CNTNAP2: variants seen among roughly 807,000 people sequenced by gnomAD.
The protein encoded by CNTNAP2 is contactin associated protein 2.
A neutral mutation model predicts 155.2 loss-of-function variants in CNTNAP2; 98 were observed. The ratio of observed to expected loss-of-function variants is 0.63; its 90% CI spans 0.54 to 0.75. The LOEUF is 0.75. CNTNAP2 is among the 30% of genes least tolerant of loss of function. CNTNAP2 has a pLI of 0.00. For synonymous variants in CNTNAP2, 651 were observed against 631.2 expected, an observed-to-expected ratio of 1.03 and a Z score of -0.47; for missense variants, 1,727 against 1,688.1, an observed-to-expected ratio of 1.02 and a Z score of -0.40.
intron 18 of CNTNAP2, among the ~76,000 whole-genome samples, chr7:148,207,468 A>G (rs1386344237): frequency 6.6e-6 from 1 of 152,224 alleles, no homozygotes; most frequent in Non-Finnish European, 1.5e-5. Context: ...GCGCTGGCAC[A>G]CAGATGCCTC....
chr7:146,998,963 G>A (rs574115071), intron 3 of CNTNAP2, among the ~76,000 whole-genome samples: 261 of 151,748 alleles, frequency 1.7e-3, no homozygotes, highest in Non-Finnish European at 3.3e-3. Flanking sequence ...CAGCTATTCA[G>A]TGTCTTTTCA....
chr7:147,832,800 A>G (rs1010827013), intron 13 of CNTNAP2, among the ~76,000 whole-genome samples: 3 of 145,896 alleles, frequency 2.1e-5, no homozygotes, highest in African/African-American at 7.5e-5. Flanking sequence ...TTAACTATGT[A>G]ATTTAATTAT....
chr7:147,277,838 C>A (rs541859958), intron 8 of CNTNAP2, among the ~76,000 whole-genome samples: 2 of 150,038 alleles, frequency 1.3e-5, no homozygotes, highest in South Asian at 2.1e-4. Context: ...CCTTTTCTTT[C>A]TTTTTAAGTA....
intron 13 of CNTNAP2, among the ~76,000 whole-genome samples, chr7:147,821,601 C>A (rs1798361694): frequency 6.6e-6 from 1 of 152,046 alleles, no homozygotes; most frequent in Non-Finnish European, 1.5e-5. Flanking sequence ...AGTGTGGTAA[C>A]TTAGGAACTG....
chr7:147,034,628 C>T (rs960802024), intron 3 of CNTNAP2, among the ~76,000 whole-genome samples: 3 of 152,142 alleles, frequency 2.0e-5, no homozygotes, highest in Non-Finnish European at 4.4e-5. Context: ...AATCGGATCA[C>T]ATGTGGTCTT....
intron 1 of CNTNAP2, among the ~76,000 whole-genome samples, chr7:146,585,741 AAAGAAAGAAG>A (rs1262163556): frequency 3.6e-5 from 5 of 138,394 alleles, no homozygotes; most frequent in African/African-American, 1.4e-4. Context: ...AAAGAAAGAA[AAAGAAAGAAG>A]GAAAGAAAGA....
intron 1 of CNTNAP2, among the ~76,000 whole-genome samples, chr7:146,325,866 T>C (rs979876252): frequency 1.3e-5 from 2 of 152,170 alleles, no homozygotes; most frequent in African/African-American, 4.8e-5. Flanking sequence ...AAATATGACA[T>C]GATATGATGA....
At chr7:147,066,327 A>T (rs1454833911) in intron 4 of CNTNAP2, among the ~76,000 whole-genome samples, 1 of 151,896 alleles carries the variant, frequency 6.6e-6, no homozygotes, top group Non-Finnish European at 1.5e-5. Flanking sequence ...TTCAAATCTC[A>T]CCTCTACTTG....
chr7:148,294,574 A>G (rs749636013), intron 21 of CNTNAP2, among the ~76,000 whole-genome samples: 1 of 152,194 alleles, frequency 6.6e-6, no homozygotes, highest in Non-Finnish European at 1.5e-5. Context: ...GTGATTAACT[A>G]TAATAACTTT....
intron 22 of CNTNAP2, among the ~76,000 whole-genome samples, chr7:148,408,807 T>C (rs1357808895): frequency 6.6e-6 from 1 of 152,228 alleles, no homozygotes; most frequent in Non-Finnish European, 1.5e-5. Flanking sequence ...TTAACACAAC[T>C]GATTCTTACG....
chr7:146,524,612 T>C (rs1227321389), intron 1 of CNTNAP2, among the ~76,000 whole-genome samples: 1 of 152,140 alleles, frequency 6.6e-6, no homozygotes, highest in Non-Finnish European at 1.5e-5. Context: ...CAGACTGCTC[T>C]CTAGGATCAC....
intron 14 of CNTNAP2, among the ~76,000 whole-genome samples, chr7:147,971,282 C>G (rs1291868278): frequency 6.6e-6 from 1 of 151,994 alleles, no homozygotes; most frequent in Non-Finnish European, 1.5e-5. Flanking sequence ...TTTTAATAAC[C>G]TCATTGAAGT....
At chr7:146,698,775 G>T (rs10952658) in intron 1 of CNTNAP2, among the ~76,000 whole-genome samples, 2 of 151,636 alleles carry the variant, frequency 1.3e-5, no homozygotes, top group Admixed American at 1.3e-4. Flanking sequence ...TACACATTTC[G>T]TAACACTCAT....
intron 23 of CNTNAP2, 98 bp downstream of exon 23, chr7:148,409,569 T>C: frequency 1.0e-6 from 1 of 973,118 alleles, no homozygotes; most frequent in South Asian, 1.3e-5. Context: ...GTTTTCTAGG[T>C]TTTTACATTA....
intron 1 of CNTNAP2, among the ~76,000 whole-genome samples, chr7:146,613,831 CA>C (rs1799180403): frequency 2.4e-5 from 1 of 42,380 alleles, no homozygotes; most frequent in East Asian, 2.7e-4. Context: ...AGTGTTCTTT[CA>C]GCTTTTCTTT....
Position 147,120,602 on chromosome 7 carries a change from AT to A in CNTNAP2, c.755-373del, listed in dbSNP as rs951152275. Among the ~76,000 whole-genome samples, 333 of 151,790 alleles carry A rather than the reference AT, an allele frequency of 2.2e-3. 5 individuals are homozygous for A. Among genetic ancestry groups the A allele is most frequent in the African/African-American group, 7.1e-3 (295 of 41,434 alleles). On this transcript the variant is annotated intron_variant, in intron 5 of 23. Transcript: ENST00000361727. Reference sequence around the variant, plus strand: ...AAGTATTTTTTTACTATTACATTTTATTTTATTTATTTATTTATTTTTCTTT... The same window carrying A: ...AAGTATTTTTTTACTATTACATTTTATTTATTTATTTATTTATTTTTCTTT...
intron 1 of CNTNAP2, among the ~76,000 whole-genome samples, chr7:146,264,588 C>T (rs1228154674): frequency 6.6e-6 from 1 of 151,870 alleles, no homozygotes; most frequent in Non-Finnish European, 1.5e-5. Flanking sequence ...GGGAGCAATC[C>T]AAACGTTGAC....
intron 9 of CNTNAP2, among the ~76,000 whole-genome samples, chr7:147,358,289 T>C (rs937989145): frequency 1.3e-5 from 2 of 152,164 alleles, no homozygotes; most frequent in Non-Finnish European, 2.9e-5. Flanking sequence ...GGTGGTCTTA[T>C]TTTCCTCTTC....
At chr7:146,465,010 A>G (rs1796696981) in intron 1 of CNTNAP2, among the ~76,000 whole-genome samples, 1 of 152,000 alleles carries the variant, frequency 6.6e-6, no homozygotes, top group South Asian at 2.1e-4. Flanking sequence ...GTCTGCTTTA[A>G]TTGGCCTGCT....
Sources: allele counts gnomAD v4.1 joint callset (sites outside exome capture counted in the v4.1 genomes callset), GRCh38; gene constraint gnomAD v4.1.1; transcripts MANE v1.5; gene names NCBI Gene and HGNC (gene_info 2026-07-23, HGNC 2026-07-21).